Variants in PDXDC1 observed in about 807,000 individuals in gnomAD.
The protein encoded by PDXDC1 is pyridoxal dependent decarboxylase domain containing 1, also known as pyridoxal-dependent decarboxylase domain-containing protein 1.
PDXDC1 carries 42 observed loss-of-function variants against 100.1 expected under a neutral mutation model. That is an observed-to-expected ratio of 0.42 (90% CI 0.33 to 0.54). PDXDC1 has a LOEUF of 0.54. PDXDC1 is among the 20% of genes least tolerant of loss of function. The pLI is 0.10. For synonymous variants in PDXDC1, 260 were observed against 371.7 expected (o/e 0.70, Z 3.46); for missense variants, 636 against 979.2 (o/e 0.65, Z 4.68).
At chr16:14,997,176 A>AT (rs1239602508) in intron 1 of PDXDC1, among the ~76,000 whole-genome samples, 1 of 152,216 alleles carries the variant, frequency 6.6e-6, no homozygotes, top group African/African-American at 2.4e-5. Context: ...CTGCAGAAAA[A>AT]TTTAAATTCT....
intron 16 of PDXDC1, among the ~76,000 whole-genome samples, chr16:15,098,276 C>A (rs1387503838): frequency 6.6e-6 from 1 of 150,568 alleles, no homozygotes; most frequent in Non-Finnish European, 1.5e-5. Flanking sequence ...GCTCAGCTCA[C>A]TGCAACCTCT....
rs1272814108 is a variant in PDXDC1 at position 15,031,824 on chromosome 16, G to C, written c.1489G>C (p.Glu497Gln). ...PVLCCTLQLR[E>Q]EFKQEVEATA... ...GCTGTGCTGTACGCTCCAGTTGCGTGAAGAGTTCAAGCAGGAAGTGGAAGC... is the reference window on the plus strand; with the variant it reads ...GCTGTGCTGTACGCTCCAGTTGCGTCAAGAGTTCAAGCAGGAAGTGGAAGC... Residue 497 changes from glutamate to glutamine, a missense_variant, in exon 17 of 23, where the codon GAA becomes CAA. By Grantham distance (29) the Glu-to-Gln change is conservative (BLOSUM62 2). Coordinates refer to ENST00000396410, the MANE Select transcript of PDXDC1 (RefSeq NM_015027.4). 1 of 1,614,064 alleles carries C rather than the reference G, an allele frequency of 6.2e-7. No individual in the cohort carries two copies. Among genetic ancestry groups the C allele is most frequent in the Admixed American group, 1.7e-5 (1 of 60,028 alleles).
Position 15,048,110 on chromosome 16 carries a change from A to G in PDXDC1, c.1399+18054A>G, listed in dbSNP as rs571934106. Reference sequence around the variant, plus strand: ...AAGTCTGGCTCTTTCCTGTTTAATTAAAAAAAAAATAAAATAGTGATGTAA... The same window carrying G: ...AAGTCTGGCTCTTTCCTGTTTAATTGAAAAAAAAATAAAATAGTGATGTAA... On this transcript the variant is annotated intron_variant, in intron 16 of 16. Coordinates refer to the PDXDC1 transcript ENST00000535621. 4.3e-6 allele frequency: 5 copies of G among 1,157,398 alleles called. No individual in the cohort carries two copies. In the South Asian group the frequency reaches 7.6e-5, roughly 18 times the overall value. The allele number at this position is 1,157,398 out of a possible 1,614,324, so 71.7% of individuals were successfully genotyped here.
At chr16:15,068,207 G>A in intron 16 of PDXDC1, 1 of 1,596,618 alleles carries the variant, frequency 6.3e-7, no homozygotes. Context: ...CTGAGGGCAG[G>A]CAAATCTTCA....
chr16:15,033,315 C>T lies in PDXDC1; in HGVS notation c.1728C>T (p.Val576=), dbSNP rs754927406. ...EYKSMKSCLY[V]GMASDNVDAA... The stretch of plus-strand genomic sequence containing the variant: ...AGAGCATGAAGAGCTGCCTTTATGT[C>T]GGCATGGCGAGCGACAACGTCGATG... Residue 576 remains valine (V), a synonymous_variant, in exon 19 of 23, where the codon GTC becomes GTT. Coordinates refer to ENST00000396410, the MANE Select transcript of PDXDC1 (RefSeq NM_015027.4). 4.0e-5 allele frequency: 64 copies of T among 1,614,000 alleles called. No individual in the cohort carries two copies. Among genetic ancestry groups the T allele is most frequent in the South Asian group, 5.5e-5 (5 of 91,090 alleles).
At chr16:14,990,214 AGCCCACCG>A (rs1970444630) in intron 1 of PDXDC1, 1 of 1,027,558 alleles carries the variant, frequency 9.7e-7, no homozygotes, top group African/African-American at 1.8e-5. Flanking sequence ...CCCGCCGCCC[AGCCCACCG>A]GCCCGGCCGC....
At chr16:15,033,191 G>A in intron 18 of PDXDC1, 87 bp from the exon 19 acceptor site, 2 of 1,451,046 alleles carry the variant, frequency 1.4e-6, no homozygotes, top group South Asian at 1.2e-5. Context: ...CTTTGTGTGT[G>A]GTCAGGACCC....
Position 15,079,596 on chromosome 16 carries a change from CTTTT to C in PDXDC1, c.1399+49551_1399+49554del, listed in dbSNP as rs35328128. Among the ~76,000 whole-genome samples the C allele has an allele frequency of 2.1e-5, 3 of 143,042 alleles. No homozygotes were observed. The South Asian group carries it at 6.6e-4, about 32-fold the overall frequency. The allele number at this position is 143,042 out of a possible 152,430, so 93.8% of individuals were successfully genotyped here. A position where few individuals can be genotyped will look rare whatever the true frequency, so the allele number is the denominator to read the frequency against. On this transcript the variant is annotated intron_variant, in intron 16 of 16. Transcript: ENST00000535621. ...AAGAATGGTGCTAGTGGTTTCTTTT[CTTTT>C]TTTTTTTTTTGAGATGGAGTCTCGC...
chr16:15,100,229 C>T (rs2151845691), intron 16 of PDXDC1, among the ~76,000 whole-genome samples: 1 of 152,274 alleles, frequency 6.6e-6, no homozygotes, highest in East Asian at 1.9e-4. Flanking sequence ...ATAACAAAAC[C>T]AATAGCATGT....
intron 8 of PDXDC1, among the ~76,000 whole-genome samples, chr16:15,014,729 TA>T (rs1223627649): frequency 1.3e-5 from 2 of 152,296 alleles, no homozygotes; most frequent in African/African-American, 4.8e-5. Context: ...GGCTTACTGC[TA>T]ACTGGAAATT....
intron 16 of PDXDC1, among the ~76,000 whole-genome samples, chr16:15,075,710 A>G (rs1831468943): frequency 6.6e-6 from 1 of 152,224 alleles, no homozygotes; most frequent in East Asian, 1.9e-4. Context: ...TCTGATTCTC[A>G]TTGAGAAGAC....
intron 16 of PDXDC1, chr16:15,131,384 C>G: frequency 6.3e-7 from 1 of 1,595,830 alleles, no homozygotes; most frequent in Non-Finnish European, 8.6e-7. Flanking sequence ...TTGGAGTCCA[C>G]CAGAAAGATG....
At chr16:15,076,708 T>A in intron 16 of PDXDC1, 1 of 1,256,684 alleles carries the variant, frequency 8.0e-7, no homozygotes, top group Non-Finnish European at 1.2e-6. Flanking sequence ...AACTATGTTA[T>A]TTTGGGATGG....
chr16:15,110,123 C>A (rs569652919), intron 16 of PDXDC1, among the ~76,000 whole-genome samples: 1 of 145,410 alleles, frequency 6.9e-6, no homozygotes, highest in African/African-American at 2.5e-5. Context: ...ACAGCCTGGG[C>A]AACACGAGCA....
chr16:15,041,867 C>T (rs1004902572), downstream of PDXDC1, among the ~76,000 whole-genome samples: 2 of 152,222 alleles, frequency 1.3e-5, no homozygotes, highest in African/African-American at 4.8e-5. Flanking sequence ...GAACCCTGAC[C>T]GCCAGGAGAT....
chr16:15,089,786 C>CAAAAAAAAAAAAAA, intron 16 of PDXDC1, among the ~76,000 whole-genome samples: 1 of 66,574 alleles, frequency 1.5e-5, no homozygotes, highest in Non-Finnish European at 2.5e-5. Flanking sequence ...GGCGACAGAG[C>CAAAAAAAAAAAAAA]AAAAAAAAAA....
intron 16 of PDXDC1, chr16:15,131,294 C>T (rs1219187186): frequency 1.2e-5 from 19 of 1,572,246 alleles, no homozygotes; most frequent in South Asian, 4.4e-5. Context: ...GGGATCTGGG[C>T]GCCGGCCTGT....
intron 16 of PDXDC1, chr16:15,044,937 A>G (rs1166067718): frequency 6.5e-6 from 1 of 152,768 alleles, no homozygotes; most frequent in East Asian, 1.9e-4. Flanking sequence ...CCTGGGCAAC[A>G]AGGTAAAACT....
At chr16:14,979,942 T>C (rs1364756375) in intron 1 of PDXDC1, among the ~76,000 whole-genome samples, 3 of 152,292 alleles carry the variant, frequency 2.0e-5, no homozygotes, top group African/African-American at 7.2e-5. Context: ...TTATATAGAA[T>C]GAGAGGAGAT....
Sources: allele counts gnomAD v4.1 joint callset (sites outside exome capture counted in the v4.1 genomes callset), GRCh38; gene constraint gnomAD v4.1.1; transcripts MANE v1.5; gene names NCBI Gene and HGNC (gene_info 2026-07-23, HGNC 2026-07-21).